CA5A: variants seen among roughly 807,000 people sequenced by gnomAD.
The protein encoded by CA5A is carbonic anhydrase 5A, mitochondrial.
Under a neutral mutation model 37.1 loss-of-function variants are expected in CA5A, and 28 were observed. The observed-to-expected ratio is 0.75, with a 90% confidence interval of 0.56 to 1.03. CA5A has a LOEUF of 1.03. Among genes scored for constraint, CA5A ranks in the 50% least tolerant of loss-of-function variants. CA5A has a pLI of 0.00. For missense variants in CA5A, 444 were observed against 399.9 expected, an observed-to-expected ratio of 1.11 and a Z score of -0.94; for synonymous variants, 171 against 158.4, an observed-to-expected ratio of 1.08 and a Z score of -0.60.
At chr16:87,925,132 C>T (rs544876902) in intron 2 of CA5A, among the ~76,000 whole-genome samples, 23 of 152,248 alleles carry the variant, frequency 1.5e-4, no homozygotes, top group African/African-American at 2.6e-4. Flanking sequence ...GGGACGCACC[C>T]GGGAGGAGGC....
intron 2 of CA5A, among the ~76,000 whole-genome samples, chr16:87,921,079 C>T (rs2056223576): frequency 6.6e-6 from 1 of 152,020 alleles, no homozygotes; most frequent in Admixed American, 6.6e-5. Flanking sequence ...AGGCGTGAGC[C>T]ACTGCACCCG....
intron 2 of CA5A, among the ~76,000 whole-genome samples, chr16:87,919,103 G>A (rs1385103666): frequency 6.6e-6 from 1 of 152,198 alleles, no homozygotes; most frequent in Non-Finnish European, 1.5e-5. Flanking sequence ...GATCCTTTAA[G>A]CAGATGTGAA....
chr16:87,897,774 C>G (rs894872877), intron 5 of CA5A, among the ~76,000 whole-genome samples: 2 of 152,214 alleles, frequency 1.3e-5, no homozygotes, highest in Non-Finnish European at 2.9e-5. Context: ...TTCTCTGCCT[C>G]TCTGAGCTTT....
chr16:87,936,189 A>AG, intron 1 of CA5A, 120 bp downstream of exon 1: 2 of 669,808 alleles, frequency 3.0e-6, no homozygotes, highest in South Asian at 2.0e-5. Flanking sequence ...AAAAAAAAAA[A>AG]ACGGAGTGGA....
rs575569678 is a variant in CA5A at position 87,904,801 on chromosome 16, G to A, written c.444C>T (p.His148=). Reference sequence around the variant, plus strand: ...GTCTACAAACCTCTGCGGGGTACGCGTGGCCGTCCACTGTGTGCTCTGAGC... The same window carrying A: ...GTCTACAAACCTCTGCGGGGTACGCATGGCCGTCCACTGTGTGCTCTGAGC... The part of the protein sequence containing the change: ...EGGSEHTVDG[H]AYPAELHLVH... Residue 148 remains histidine, a synonymous_variant, in exon 3 of 7, where the codon CAC becomes CAT. Transcript: ENST00000649794. The A allele has an allele frequency of 2.6e-5, 41 of 1,607,196 alleles. No individual in the cohort carries two copies. The highest frequency in any genetic ancestry group is 3.3e-4 in the Middle Eastern group (2 of 6,048).
chr16:87,930,706 G>T (rs114876457), intron 1 of CA5A, among the ~76,000 whole-genome samples: 3,766 of 151,782 alleles, frequency 0.025, 172 homozygotes, highest in African/African-American at 0.085. Flanking sequence ...GCAGGAGAGG[G>T]AGCCCTCTGC....
intron 2 of CA5A, chr16:87,925,482 CT>C (rs1358181693): frequency 7.2e-5 from 11 of 152,400 alleles, no homozygotes; most frequent in Admixed American, 7.2e-4. Flanking sequence ...TTATTGGGAG[CT>C]GTTCACATAG....
intron 2 of CA5A, among the ~76,000 whole-genome samples, chr16:87,919,603 G>A (rs1197595319): frequency 1.3e-5 from 2 of 152,152 alleles, no homozygotes; most frequent in Non-Finnish European, 1.5e-5. Flanking sequence ...CCTGGCAGTC[G>A]ACGACCCCTG....
intron 5 of CA5A, among the ~76,000 whole-genome samples, chr16:87,897,246 C>G (rs567785933): frequency 2.6e-5 from 4 of 152,390 alleles, no homozygotes; most frequent in Non-Finnish European, 5.9e-5. Flanking sequence ...GTAGCTCTGA[C>G]TGTTGCGAAG....
At chr16:87,888,595 G>C (rs183919105) in intron 6 of CA5A, among the ~76,000 whole-genome samples, 5 of 152,250 alleles carry the variant, frequency 3.3e-5, no homozygotes, top group African/African-American at 1.2e-4. Context: ...CTAGCTACTC[G>C]AGAGGGCCAA....
At chr16:87,935,604 G>A (rs1443808581) in intron 1 of CA5A, among the ~76,000 whole-genome samples, 3 of 152,080 alleles carry the variant, frequency 2.0e-5, no homozygotes, top group Non-Finnish European at 2.9e-5. Flanking sequence ...GGCCAGGCGC[G>A]GTGGCTCACG....
chr16:87,924,863 C>T (rs2056282546), intron 2 of CA5A, among the ~76,000 whole-genome samples: 1 of 152,238 alleles, frequency 6.6e-6, no homozygotes, highest in Non-Finnish European at 1.5e-5. Context: ...GTGGGAGTTT[C>T]TGGGCAGATG....
intron 2 of CA5A, among the ~76,000 whole-genome samples, chr16:87,921,769 G>C (rs1220520666): frequency 6.6e-6 from 1 of 152,238 alleles, no homozygotes; most frequent in African/African-American, 2.4e-5. Context: ...GCACCTGGGA[G>C]CCTGCTGGCA....
intron 5 of CA5A, among the ~76,000 whole-genome samples, chr16:87,899,296 T>TC (rs2055844288): frequency 1.9e-5 from 1 of 52,926 alleles, no homozygotes; most frequent in Non-Finnish European, 3.6e-5. Flanking sequence ...TCCTAAGGTC[T>TC]TTTTTTTTTT....
intron 5 of CA5A, among the ~76,000 whole-genome samples, chr16:87,899,148 C>T (rs1043898066): frequency 6.6e-6 from 1 of 152,082 alleles, no homozygotes; most frequent in African/African-American, 2.4e-5. Context: ...CTGTGGGGCT[C>T]TCTGATACAC....
intron 1 of CA5A, among the ~76,000 whole-genome samples, chr16:87,928,760 GTTTTTTTTTT>G (rs60994571): frequency 1.7e-5 from 1 of 57,938 alleles, no homozygotes; most frequent in African/African-American, 7.4e-5. Context: ...TCTTTTCTTT[GTTTTTTTTTT>G]TTTTTTTTTT....
At position 87,911,296 on chromosome 16, in the gene CA5A, G is replaced by C. The variant is rs964759843; in HGVS notation, c.341-6392C>G. ...TATAATTGAACGATTGCCTCAGCGC[G>C]TGCCAGACTCTCCAAACATAATAAC... On this transcript the variant is annotated intron_variant, in intron 2 of 6. Transcript: ENST00000649794. The surrounding 1 kb of genome is among the most constrained non-coding windows in gnomAD (Gnocchi z 4.6). Among the ~76,000 whole-genome samples the C allele has an allele frequency of 6.6e-6, 1 of 152,024 alleles. No individual in the cohort carries two copies. Among genetic ancestry groups the C allele is most frequent in the East Asian group, 1.9e-4 (1 of 5,188 alleles).
At chr16:87,905,308 T>C in intron 2 of CA5A, among the ~76,000 whole-genome samples, 1 of 152,218 alleles carries the variant, frequency 6.6e-6, no homozygotes, top group East Asian at 1.9e-4. Flanking sequence ...TTAAATCCTA[T>C]CACCAAATAA....
chr16:87,924,743 C>A (rs1597582400), intron 2 of CA5A, among the ~76,000 whole-genome samples: 1 of 152,262 alleles, frequency 6.6e-6, no homozygotes, highest in African/African-American at 2.4e-5. Flanking sequence ...GCTGCCTCCG[C>A]ATGCACAGCG....
Sources: allele counts gnomAD v4.1 joint callset (sites outside exome capture counted in the v4.1 genomes callset), GRCh38; gene constraint gnomAD v4.1.1; non-coding constraint Gnocchi (gnomAD v3.1); transcripts MANE v1.5; gene names NCBI Gene and HGNC (gene_info 2026-07-23, HGNC 2026-07-21).